RIT2: variants seen among roughly 807,000 people sequenced by gnomAD.
RIT2 encodes the protein Ras like without CAAX 2, also known as GTP-binding protein Rit2.
Under a neutral mutation model 23.7 loss-of-function variants are expected in RIT2, and 24 were observed. The ratio of observed to expected loss-of-function variants is 1.01; its 90% confidence interval spans 0.73 to 1.43. The LOEUF (loss-of-function observed/expected upper bound fraction) is 1.43, where lower values mean the gene tolerates loss of function less well. Among genes scored for constraint, RIT2 ranks in the 40% most tolerant of loss-of-function variants. RIT2 has a pLI of 0.00. For missense variants in RIT2, 236 were observed against 266.9 expected (o/e 0.88, Z 0.81); for synonymous variants, 107 against 91.1 (o/e 1.17, Z -0.99).
intron 1 of RIT2, among the ~76,000 whole-genome samples, chr18:43,104,373 G>A (rs1250807055): frequency 3.3e-5 from 5 of 152,146 alleles, no homozygotes; most frequent in Non-Finnish European, 5.9e-5. Context: ...GCTATATAAT[G>A]AATGTGGTTG....
Position 42,753,845 on chromosome 18 carries a change from C to T in RIT2, c.427-10125G>A, listed in dbSNP as rs1357028819. On this transcript the variant is annotated intron_variant, in intron 4 of 4. Coordinates refer to ENST00000326695, the MANE Select transcript of RIT2 (RefSeq NM_002930.4). ...TGATTTATTAAATTTGATTTATTCACTTATTTAATACGAGAGTTACTTTAA... is the reference window on the plus strand; with the variant it reads ...TGATTTATTAAATTTGATTTATTCATTTATTTAATACGAGAGTTACTTTAA... Among the ~76,000 whole-genome samples, 3 of 152,114 alleles carry T rather than the reference C, an allele frequency of 2.0e-5. No homozygotes were observed. In the East Asian group the frequency reaches 5.8e-4, roughly 29 times the overall value.
At chr18:43,072,066 A>T (rs1912910674) in intron 1 of RIT2, among the ~76,000 whole-genome samples, 1 of 152,022 alleles carries the variant, frequency 6.6e-6, no homozygotes, top group South Asian at 2.1e-4. Context: ...GCTCATTGCA[A>T]TATCCACCTC....
chr18:43,073,068 A>T (rs1912934041), intron 1 of RIT2, among the ~76,000 whole-genome samples: 1 of 152,212 alleles, frequency 6.6e-6, no homozygotes, highest in African/African-American at 2.4e-5. Context: ...TCTAACTAGA[A>T]ATGTAACAAT....
chr18:42,807,690 A>G (rs918028858), intron 4 of RIT2, among the ~76,000 whole-genome samples: 3 of 152,194 alleles, frequency 2.0e-5, no homozygotes, highest in Admixed American at 2.0e-4. Context: ...ATAAAAACAT[A>G]AAACAAAACA....
At chr18:43,092,814 T>C (rs1913455763) in intron 1 of RIT2, among the ~76,000 whole-genome samples, 1 of 152,058 alleles carries the variant, frequency 6.6e-6, no homozygotes, top group African/African-American at 2.4e-5. Context: ...CAAGAAATCA[T>C]GGCTGAAACG....
chr18:42,743,868 G>T (rs1425131893), intron 4 of RIT2, 148 bp from the exon 5 acceptor site: 3 of 615,572 alleles, frequency 4.9e-6, no homozygotes, highest in Non-Finnish European at 5.6e-6. Context: ...CGCCCAGATG[G>T]CCTGAAGTAA....
intron 3 of RIT2, among the ~76,000 whole-genome samples, chr18:42,932,957 C>A (rs1280525020): frequency 2.0e-5 from 3 of 151,800 alleles, no homozygotes; most frequent in Non-Finnish European, 4.4e-5. Flanking sequence ...TTAATTATAT[C>A]TTTCTTATTT....
At chr18:43,067,753 C>T (rs1461841395) in intron 1 of RIT2, among the ~76,000 whole-genome samples, 7 of 152,080 alleles carry the variant, frequency 4.6e-5, no homozygotes, top group Admixed American at 4.6e-4. Flanking sequence ...ATGTTAAATG[C>T]TGGTCAGCTG....
intron 1 of RIT2, among the ~76,000 whole-genome samples, chr18:43,039,389 G>A (rs1912072650): frequency 6.8e-6 from 1 of 146,986 alleles, no homozygotes; most frequent in Non-Finnish European, 1.5e-5. Flanking sequence ...GCTCCTGTTG[G>A]CCAGGCTGGA....
At chr18:42,753,857 G>A (rs970998720) in intron 4 of RIT2, among the ~76,000 whole-genome samples, 2 of 152,050 alleles carry the variant, frequency 1.3e-5, no homozygotes, top group African/African-American at 4.8e-5. Flanking sequence ...TATTTAATAC[G>A]AGAGTTACTT....
chr18:42,881,089 A>T (rs1471988557), intron 4 of RIT2, among the ~76,000 whole-genome samples: 1 of 152,116 alleles, frequency 6.6e-6, no homozygotes, highest in Admixed American at 6.5e-5. Context: ...TACAGGCGTG[A>T]GCCACTGCAC....
At chr18:43,035,523 C>T (rs1007713735) in intron 1 of RIT2, among the ~76,000 whole-genome samples, 1 of 152,120 alleles carries the variant, frequency 6.6e-6, no homozygotes, top group Non-Finnish European at 1.5e-5. Context: ...TCACCTACAC[C>T]TAAACTTTCG....
chr18:42,834,106 G>A (rs1337770525), intron 4 of RIT2, among the ~76,000 whole-genome samples: 1 of 152,152 alleles, frequency 6.6e-6, no homozygotes, highest in South Asian at 2.1e-4. Context: ...CCATCAGACT[G>A]AAGTCTTTCT....
At chr18:42,832,301 G>A (rs923455648) in intron 4 of RIT2, among the ~76,000 whole-genome samples, 7 of 152,146 alleles carry the variant, frequency 4.6e-5, no homozygotes, top group African/African-American at 1.7e-4. Context: ...AAATAGCTAA[G>A]TGATGTAATA....
At chr18:43,092,026 G>A (rs371910582) in intron 1 of RIT2, among the ~76,000 whole-genome samples, 35 of 151,962 alleles carry the variant, frequency 2.3e-4, no homozygotes, top group African/African-American at 7.5e-4. Flanking sequence ...TAATTTTAAC[G>A]GTAACTGTGG....
At chr18:42,746,542 A>T (rs1912920895) in intron 4 of RIT2, among the ~76,000 whole-genome samples, 2 of 152,094 alleles carry the variant, frequency 1.3e-5, no homozygotes, top group South Asian at 4.1e-4. Context: ...AAAGGAAGAC[A>T]TTATACTAAT....
chr18:42,882,838 G>A (rs1171852701), intron 4 of RIT2, among the ~76,000 whole-genome samples: 1 of 152,126 alleles, frequency 6.6e-6, no homozygotes, highest in Non-Finnish European at 1.5e-5. Context: ...ATGGTGCTTT[G>A]TAGTTCTAGT....
intron 4 of RIT2, among the ~76,000 whole-genome samples, chr18:42,797,710 A>G (rs1281607723): frequency 6.6e-6 from 1 of 152,166 alleles, no homozygotes; most frequent in African/African-American, 2.4e-5. Context: ...TCATTAGCCG[A>G]GTTCGACAAT....
chr18:42,996,594 C>G (rs893525557), intron 2 of RIT2, among the ~76,000 whole-genome samples: 35 of 152,078 alleles, frequency 2.3e-4, no homozygotes, highest in African/African-American at 8.2e-4. Context: ...AGCTCAACTA[C>G]TGAGCACCTT....
Sources: gnomAD v4.1 joint callset for allele counts (sites outside exome capture counted in the v4.1 genomes callset) on GRCh38, gnomAD v4.1.1 for gene constraint, MANE v1.5 for transcripts, NCBI Gene and HGNC (gene_info 2026-07-23, HGNC 2026-07-21) for gene names.